The following CANX variants were observed in gnomAD, a reference collection of about 807,000 sequenced individuals.
CANX encodes epididymis secretory sperm binding protein.
Under a neutral mutation model 75.7 loss-of-function variants are expected in CANX, and 14 were observed. The observed-to-expected ratio is 0.19, with a 90% CI of 0.12 to 0.29. CANX has a LOEUF of 0.29. CANX is among the 10% of genes least tolerant of loss of function. The pLI is 1.00. For synonymous variants in CANX, 227 were observed against 236.9 expected, an observed-to-expected ratio of 0.96 and a Z score of 0.38; for missense variants, 567 against 713.2, an observed-to-expected ratio of 0.79 and a Z score of 2.34.
At position 179,730,604 on chromosome 5, in the gene CANX, G is replaced by T. The variant is rs1214060245; in HGVS notation, c.*1960G>T. The T allele has an allele frequency of 6.6e-6, 1 of 152,162 alleles. No homozygotes were observed. Among genetic ancestry groups the T allele is most frequent in the Admixed American group, 6.5e-5 (1 of 15,274 alleles). 9.4% of individuals were successfully genotyped at this position (152,162 alleles called of 1,614,324 possible). ...TAAATCATTAGAGCTTAAATTGTCA[G>T]ATCGTTCATTGCCTTTCCAGGGTTA... is the stretch of plus-strand genomic sequence containing the variant. On this transcript the variant is annotated 3_prime_UTR_variant, in exon 15 of 15. Transcript: ENST00000247461.
At chr5:179,709,392 C>T (rs960848517) in intron 6 of CANX, among the ~76,000 whole-genome samples, 46 of 149,038 alleles carry the variant, frequency 3.1e-4, no homozygotes, top group African/African-American at 1.1e-3. Context: ...CCAGCCTGGG[C>T]GACAGAGCGA....
chr5:179,730,619 T>C lies in CANX; in HGVS notation c.*1975T>C, dbSNP rs1778935394. The C allele has an allele frequency of 6.6e-6, 1 of 152,252 alleles. No homozygotes were observed. Among genetic ancestry groups the C allele is most frequent in the Non-Finnish European group, 1.5e-5 (1 of 68,040 alleles). The allele number at this position is 152,252 out of a possible 1,614,324, so 9.4% of individuals were successfully genotyped here. A position where few individuals can be genotyped will look rare whatever the true frequency, so the allele number is the denominator to read the frequency against. ...TAAATTGTCAGATCGTTCATTGCCT[T>C]TCCAGGGTTATTTAGTAAAGTTTGT... On this transcript the variant is annotated 3_prime_UTR_variant, in exon 15 of 15. Coordinates refer to ENST00000247461, the MANE Select transcript of CANX (RefSeq NM_001746.4).
At chr5:179,707,583 C>CAAAA (rs1200030925) in intron 4 of CANX, among the ~76,000 whole-genome samples, 6 of 57,260 alleles carry the variant, frequency 1.0e-4, no homozygotes, top group South Asian at 7.1e-4. Context: ...GACTCCGTCT[C>CAAAA]AAAAAAAAAA....
upstream of CANX, chr5:179,698,964 G>A (rs966247751): frequency 2.7e-6 from 3 of 1,122,668 alleles, no homozygotes; most frequent in Admixed American, 5.1e-5. Context: ...TCGCTCGCGC[G>A]GCAGCGGTGG....
At chr5:179,720,339 C>A in intron 9 of CANX, 65 bp from the exon 10 acceptor site, 1 of 1,344,944 alleles carries the variant, frequency 7.4e-7, no homozygotes, top group Non-Finnish European at 1.1e-6. Flanking sequence ...AGCCCTGGGC[C>A]AGCCAGCTGT....
chr5:179,679,038 G>A (rs1363703932), intron 1 of CANX: 1 of 1,534,290 alleles, frequency 6.5e-7, no homozygotes, highest in South Asian at 1.2e-5. Context: ...AGTGGCGGCC[G>A]CCGTGGCGAG....
At chr5:179,708,450 ACTC>A in intron 5 of CANX, 70 bp downstream of exon 5, 7 of 1,396,196 alleles carry the variant, frequency 5.0e-6, no homozygotes, top group Non-Finnish European at 6.9e-6. Context: ...TGTAACTTTT[ACTC>A]TATGTTAAAA....
intron 7 of CANX, among the ~76,000 whole-genome samples, chr5:179,712,288 C>G (rs1299598925): frequency 6.6e-6 from 1 of 151,932 alleles, no homozygotes; most frequent in East Asian, 1.9e-4. Context: ...TTTGGATGCT[C>G]CAATACCTGG....
chr5:179,715,973 A>C (rs1222800764), intron 7 of CANX, 132 bp from the exon 8 acceptor site: 1 of 731,178 alleles, frequency 1.4e-6, no homozygotes, highest in Non-Finnish European at 2.5e-6. Context: ...CCCAGGAGCC[A>C]GGCATTGTTC....
upstream of CANX, chr5:179,698,900 G>A (rs1776520728): frequency 8.6e-7 from 1 of 1,159,564 alleles, no homozygotes; most frequent in Non-Finnish European, 1.1e-6. Flanking sequence ...GGCGCCGGCT[G>A]TGGCTACTCA....
At chr5:179,683,355 G>A (rs887930982) in intron 1 of CANX, among the ~76,000 whole-genome samples, 14 of 151,476 alleles carry the variant, frequency 9.2e-5, no homozygotes, top group South Asian at 2.1e-4. Flanking sequence ...GGATGGTCTC[G>A]ATCTCCTGAC....
At position 179,699,001 on chromosome 5, in the gene CANX, T is replaced by A; in HGVS notation, c.-105T>A. ...CGAGGCCTCTTGGTTCTGCGGCACG[T>A]GACGGTCGGGCCGCCTCCGCCTCTC... On this transcript the variant is annotated 5_prime_UTR_variant, in exon 1 of 15. Coordinates refer to ENST00000247461, the MANE Select transcript of CANX (RefSeq NM_001746.4). The A allele has an allele frequency of 8.9e-7, 1 of 1,117,712 alleles. No homozygotes were observed. The highest frequency in any genetic ancestry group is 1.1e-6 in the Non-Finnish European group (1 of 907,812). The allele number at this position is 1,117,712 out of a possible 1,614,324, so 69.2% of individuals were successfully genotyped here. A position where few individuals can be genotyped will look rare whatever the true frequency, so the allele number is the denominator to read the frequency against.
intron 11 of CANX, 126 bp from the exon 12 acceptor site, chr5:179,723,534 G>A: frequency 1.1e-6 from 1 of 886,350 alleles, no homozygotes. Flanking sequence ...TACATTTTAT[G>A]AGCATTTTCT....
At chr5:179,701,467 AG>A (rs1776752857) in intron 1 of CANX, among the ~76,000 whole-genome samples, 1 of 151,656 alleles carries the variant, frequency 6.6e-6, no homozygotes, top group Non-Finnish European at 1.5e-5. Context: ...GCTACTCGGG[AG>A]GCTGAGGCAG....
At chr5:179,710,433 C>T (rs1163611230) in intron 7 of CANX, among the ~76,000 whole-genome samples, 1 of 147,710 alleles carries the variant, frequency 6.8e-6, no homozygotes, top group African/African-American at 2.5e-5. Context: ...AAAGGCTGGG[C>T]GCGGTGGCTC....
At chr5:179,681,361 G>C (rs748677797) in intron 1 of CANX, among the ~76,000 whole-genome samples, 2 of 152,178 alleles carry the variant, frequency 1.3e-5, no homozygotes. Context: ...CGTGTCATGG[G>C]TCAGGTTCCC....
At position 179,729,362 on chromosome 5, in the gene CANX, G is replaced by T. The variant is rs1778866884; in HGVS notation, c.*718G>T. The T allele has an allele frequency of 6.5e-6, 1 of 153,304 alleles. No individual in the cohort carries two copies. The highest frequency in any genetic ancestry group is 2.1e-4 in the South Asian group (1 of 4,846). 9.5% of individuals were successfully genotyped at this position (153,304 alleles called of 1,614,324 possible). A position where few individuals can be genotyped will look rare whatever the true frequency, so the allele number is the denominator to read the frequency against. On this transcript the variant is annotated 3_prime_UTR_variant, in exon 15 of 15. Coordinates refer to ENST00000247461, the MANE Select transcript of CANX (RefSeq NM_001746.4). Reference sequence around the variant, plus strand: ...AGACAGCTTTTTAGGTAGTGGAGGAGGTGGCTTCATGTGGCACTTGGGCAT... The same window carrying T: ...AGACAGCTTTTTAGGTAGTGGAGGATGTGGCTTCATGTGGCACTTGGGCAT...
At chr5:179,679,950 C>A (rs1045869491) in intron 1 of CANX, among the ~76,000 whole-genome samples, 6 of 136,516 alleles carry the variant, frequency 4.4e-5, no homozygotes, top group Admixed American at 2.3e-4. Context: ...TGAGTCACTG[C>A]GCCTGGCCTT....
At chr5:179,728,450 C>G in intron 14 of CANX, 141 bp from the exon 15 acceptor site, 1 of 614,536 alleles carries the variant, frequency 1.6e-6, no homozygotes, top group Non-Finnish European at 2.9e-6. Flanking sequence ...AACCATTCTT[C>G]TTGGTGCATT....
Sources: allele counts gnomAD v4.1 joint callset (sites outside exome capture counted in the v4.1 genomes callset), GRCh38; gene constraint gnomAD v4.1.1; transcripts MANE v1.5; gene names NCBI Gene and HGNC (gene_info 2026-07-23, HGNC 2026-07-21).